ITPRID1: variants seen among roughly 807,000 people sequenced by gnomAD.
ITPRID1 encodes the protein protein ITPRID1.
Under a neutral mutation model 95.4 loss-of-function variants are expected in ITPRID1, and 96 were observed. That is an observed-to-expected ratio of 1.01 (90% confidence interval 0.85 to 1.19). The LOEUF is 1.19. Ranked by LOEUF, ITPRID1 falls within the 50% of genes most tolerant of loss-of-function variation. ITPRID1 has a pLI of 0.00. For synonymous variants in ITPRID1, 510 were observed against 453.6 expected, an observed-to-expected ratio of 1.12 and a Z score of -1.58; for missense variants, 1,339 against 1,252.9, an observed-to-expected ratio of 1.07 and a Z score of -1.04.
At position 31,572,227 on chromosome 7, in the gene ITPRID1, T is replaced by A. The variant is rs1785018554; in HGVS notation, c.395+39T>A. On this transcript the variant is annotated intron_variant, in intron 7 of 14. Transcript: ENST00000615280. ...AGGTGCTTTTCATCCTGAGAAATCA[T>A]TCTGTGCAACAATGGATTTCATGAA... 3.9e-6 allele frequency: 5 copies of A among 1,288,756 alleles called. No individual in the cohort carries two copies. The African/African-American group carries it at 7.3e-5, about 19-fold the overall frequency. The allele number at this position is 1,288,756 out of a possible 1,614,324, so 79.8% of individuals were successfully genotyped here. A position where few individuals can be genotyped will look rare whatever the true frequency, so the allele number is the denominator to read the frequency against.
intron 5 of ITPRID1, among the ~76,000 whole-genome samples, chr7:31,558,917 C>T (rs1371575231): frequency 1.3e-5 from 2 of 152,134 alleles, no homozygotes; most frequent in Non-Finnish European, 2.9e-5. Flanking sequence ...TATAGAGGCA[C>T]ATAGAGTAGA....
intron 12 of ITPRID1, among the ~76,000 whole-genome samples, chr7:31,646,212 C>G (rs147739225): frequency 2.0e-5 from 3 of 152,096 alleles, no homozygotes; most frequent in Admixed American, 2.0e-4. Flanking sequence ...TTTTCTAGAC[C>G]TGTTTAATCC....
chr7:31,592,160 C>A (rs537039374), intron 10 of ITPRID1, among the ~76,000 whole-genome samples: 1 of 152,266 alleles, frequency 6.6e-6, no homozygotes, highest in African/African-American at 2.4e-5. Context: ...GATAACAGGA[C>A]TCCCCAGGTA....
chr7:31,525,177 T>C (rs1297585538), intron 1 of ITPRID1, among the ~76,000 whole-genome samples: 2 of 152,234 alleles, frequency 1.3e-5, no homozygotes, highest in Non-Finnish European at 2.9e-5. Context: ...CTGCACTGTA[T>C]TGATGAGAAT....
intron 10 of ITPRID1, among the ~76,000 whole-genome samples, chr7:31,632,265 G>A (rs543523341): frequency 1.3e-5 from 2 of 151,906 alleles, no homozygotes; most frequent in Admixed American, 1.3e-4. Flanking sequence ...TGGCTAACAC[G>A]GTGAAACTCC....
chr7:31,640,366 A>G (rs1158257616), intron 10 of ITPRID1, among the ~76,000 whole-genome samples: 1 of 152,048 alleles, frequency 6.6e-6, no homozygotes, highest in African/African-American at 2.4e-5. Flanking sequence ...TCAGCTGAAT[A>G]CTCAAGAGAG....
intron 10 of ITPRID1, among the ~76,000 whole-genome samples, chr7:31,628,646 CAG>C (rs2128190098): frequency 6.6e-6 from 1 of 152,038 alleles, no homozygotes; most frequent in East Asian, 1.9e-4. Context: ...TTAGTAGAGA[CAG>C]GGTTTCACCG....
intron 5 of ITPRID1, among the ~76,000 whole-genome samples, chr7:31,564,590 A>G (rs940039234): frequency 4.6e-5 from 7 of 152,136 alleles, no homozygotes; most frequent in African/African-American, 9.7e-5. Flanking sequence ...ACAGGTACAC[A>G]TGTATACTAC....
chr7:31,517,103 C>G (rs1783068381), intron 1 of ITPRID1, among the ~76,000 whole-genome samples: 1 of 152,164 alleles, frequency 6.6e-6, no homozygotes, highest in African/African-American at 2.4e-5. Context: ...CCACCATTCC[C>G]AGAGAACAAA....
intron 1 of ITPRID1, among the ~76,000 whole-genome samples, chr7:31,515,597 CAA>C (rs1783018326): frequency 6.6e-6 from 1 of 151,836 alleles, no homozygotes; most frequent in Non-Finnish European, 1.5e-5. Flanking sequence ...CAAAACAAAA[CAA>C]AAAAGAGTCA....
intron 10 of ITPRID1, among the ~76,000 whole-genome samples, chr7:31,603,579 T>TG (rs754480126): frequency 4.7e-4 from 72 of 152,330 alleles, no homozygotes; most frequent in Non-Finnish European, 9.4e-4. Context: ...TACACTTGTT[T>TG]GGGGCATTTT....
rs570324466 is a variant in ITPRID1, at chr7:31,554,332, G to GA, written c.164-135dup. 758 of 1,349,012 alleles carry GA rather than the reference G, an allele frequency of 5.6e-4. 3 individuals carry two copies. In the African/African-American group the frequency reaches 9.9e-3, roughly 18 times the overall value. 83.6% of individuals were successfully genotyped at this position (1,349,012 alleles called of 1,614,324 possible). ...GGAAAACAGGAGATTTTGCCTTCAG[G>GA]AAAAAAAATGAATATGCTTATGGAA... On this transcript the variant is annotated intron_variant, in intron 3 of 14. Transcript: ENST00000615280.
chr7:31,619,430 C>T (rs1215398146), intron 10 of ITPRID1, among the ~76,000 whole-genome samples: 1 of 152,052 alleles, frequency 6.6e-6, no homozygotes, highest in Non-Finnish European at 1.5e-5. Flanking sequence ...TAACATGTTC[C>T]TAACTTATTG....
Position 31,656,381 on chromosome 7 carries a change from C to A in ITPRID1, c.*3552C>A. On this transcript the variant is annotated 3_prime_UTR_variant, in exon 15 of 15. Coordinates refer to ENST00000615280, the MANE Select transcript of ITPRID1 (RefSeq NM_001257967.3). ...AGAAAAACAACATAGAGTTGTTGGACAGAATAAATACCATGAATCCTGTGC... is the reference window on the plus strand; with the variant it reads ...AGAAAAACAACATAGAGTTGTTGGAAAGAATAAATACCATGAATCCTGTGC... 2.4e-6 allele frequency: 1 copy of A among 413,428 alleles called. No homozygotes were observed. Among genetic ancestry groups the A allele is most frequent in the Non-Finnish European group, 3.3e-6 (1 of 307,412 alleles). The allele number at this position is 413,428 out of a possible 1,614,324, so 25.6% of individuals were successfully genotyped here. A position where few individuals can be genotyped will look rare whatever the true frequency, so the allele number is the denominator to read the frequency against.
chr7:31,555,034 G>C, intron 5 of ITPRID1, 133 bp downstream of exon 5: 1 of 679,472 alleles, frequency 1.5e-6, no homozygotes, highest in East Asian at 2.8e-5. Flanking sequence ...AAACTATCCA[G>C]CTCAATCTCT....
Position 31,642,227 on chromosome 7 carries a change from T to C in ITPRID1, c.1280T>C (p.Leu427Pro). ...TGCCAGTCTGACAGCAGCGGGTTCC[T>C]GGAGGAGCCGCTGGAACCGCTGCCC... ...NSCQSDSSGFLEEPLEPLPLQ... is the reference protein window; with the variant it reads ...NSCQSDSSGFPEEPLEPLPLQ... Residue 427 changes from leucine (L) to proline (P), a missense_variant, in exon 11 of 15, where the codon CTG (leucine) becomes CCG (proline). Physicochemically the swap from Leu to Pro is moderately conservative, Grantham distance 98. Transcript: ENST00000615280. 1 of 1,558,320 alleles carries C rather than the reference T, an allele frequency of 6.4e-7. No individual in the cohort carries two copies. Among genetic ancestry groups the C allele is most frequent in the African/African-American group, 1.4e-5 (1 of 73,544 alleles).
intron 10 of ITPRID1, among the ~76,000 whole-genome samples, chr7:31,636,652 C>T (rs995057722): frequency 2.3e-4 from 35 of 151,976 alleles, no homozygotes; most frequent in African/African-American, 8.2e-4. Context: ...TCTCCTATCC[C>T]ATACTTTGTC....
chr7:31,571,474 A>T (rs1429708603), intron 6 of ITPRID1, among the ~76,000 whole-genome samples: 3 of 152,236 alleles, frequency 2.0e-5, no homozygotes, highest in Non-Finnish European at 4.4e-5. Context: ...GCTAGATGTG[A>T]TCCATGGTAT....
chr7:31,578,543 A>T (rs1246750564), intron 9 of ITPRID1, 109 bp downstream of exon 9: 1 of 766,702 alleles, frequency 1.3e-6, no homozygotes, highest in Non-Finnish European at 2.0e-6. Flanking sequence ...CCTCAGCATT[A>T]CTTCTTAGTG....
Sources: gnomAD v4.1 joint callset for allele counts (sites outside exome capture counted in the v4.1 genomes callset) on GRCh38, gnomAD v4.1.1 for gene constraint, MANE v1.5 for transcripts, NCBI Gene and HGNC (gene_info 2026-07-23, HGNC 2026-07-21) for gene names.